TTC27: variants seen among roughly 807,000 people sequenced by gnomAD.
TTC27 encodes the protein tetratricopeptide repeat domain 27, also known as tetratricopeptide repeat protein 27.
Under a neutral mutation model 115.9 loss-of-function variants are expected in TTC27, and 79 were observed. The observed-to-expected ratio is 0.68, with a 90% CI of 0.57 to 0.82. TTC27 has a LOEUF of 0.82. TTC27 is among the 40% of genes least tolerant of loss of function. TTC27 has a pLI of 0.00. For synonymous variants in TTC27, 401 were observed against 356.0 expected (o/e 1.13, Z -1.42); for missense variants, 1,054 against 993.1 (o/e 1.06, Z -0.82).
intron 13 of TTC27, among the ~76,000 whole-genome samples, chr2:32,766,894 T>C (rs1432037942): frequency 6.6e-6 from 1 of 152,190 alleles, no homozygotes; most frequent in Admixed American, 6.5e-5. Flanking sequence ...CAAGCAATCC[T>C]GCTGCGTCAG....
In TTC27 at chr2:32,811,204, C is replaced by T. The variant is rs1167995482; in HGVS notation, c.2179C>T (p.Pro727Ser). 1 of 1,613,738 alleles carries T rather than the reference C, an allele frequency of 6.2e-7. No homozygotes were observed. The highest frequency in any genetic ancestry group is 1.3e-5 in the African/African-American group (1 of 75,008). ...HVYGNGQSEKPDENEKAFQCL... is the reference protein window; with the variant it reads ...HVYGNGQSEKSDENEKAFQCL... ...ATATGGAAATGGGCAGAGTGAAAAG[C>T]CTGATGAAAATGAAAAGGCAAGTCC... is the stretch of plus-strand genomic sequence containing the variant. Residue 727 changes from proline to serine, a missense_variant, in exon 17 of 20, where the codon CCT (proline) becomes TCT (serine). Physicochemically the swap from Pro to Ser is moderately conservative, Grantham distance 74. Transcript: ENST00000317907.
chr2:32,793,136 C>G (rs1489472026), intron 16 of TTC27, among the ~76,000 whole-genome samples: 2 of 152,164 alleles, frequency 1.3e-5, no homozygotes, highest in Non-Finnish European at 2.9e-5. Flanking sequence ...GGCTATAGAG[C>G]TGTTTATACT....
intron 13 of TTC27, among the ~76,000 whole-genome samples, chr2:32,764,696 T>A (rs1213711198): frequency 6.6e-6 from 1 of 152,266 alleles, no homozygotes; most frequent in African/African-American, 2.4e-5. Flanking sequence ...CAGCAGAACT[T>A]CTTTCAAAAT....
At position 32,820,833 on chromosome 2, in the gene TTC27, G is replaced by C; in HGVS notation, c.2427G>C (p.Val809=). The change falls in exon 20 of 20, where the codon GTG becomes GTC. Residue 809 remains valine (V), a synonymous_variant. Coordinates refer to ENST00000317907, the MANE Select transcript of TTC27 (RefSeq NM_017735.5). ...TATTACAGCAACTTTTTACAGATGTGGCAACTGGAGAAATGTCCAGGGAAT... is the reference window on the plus strand; with the variant it reads ...TATTACAGCAACTTTTTACAGATGTCGCAACTGGAGAAATGTCCAGGGAAT... The part of the protein sequence containing the change: ...LSKAKQLFTD[V]ATGEMSRELA... 6.5e-7 allele frequency: 1 copy of C among 1,535,306 alleles called. No homozygotes were observed. Among genetic ancestry groups the C allele is most frequent in the South Asian group, 1.2e-5 (1 of 81,008 alleles).
At chr2:32,724,488 GT>G (rs969785662) in intron 10 of TTC27, among the ~76,000 whole-genome samples, 530 of 147,948 alleles carry the variant, frequency 3.6e-3, no homozygotes, top group African/African-American at 0.012. Context: ...CCACCACACA[GT>G]TTTTTTTTTT....
rs1176798819 is a variant in TTC27, at chr2:32,633,854, CT to C, written c.267-19del. ...CAGTGATAGTAGTTCATATTTATTT[CT>C]TTAACCATTCTTATATGCAGACAAC... On this transcript the variant is annotated intron_variant, in intron 2 of 19. Transcript: ENST00000317907. The C allele has an allele frequency of 2.7e-5, 43 of 1,608,272 alleles. No individual in the cohort carries two copies. The East Asian group carries it at 9.6e-4, about 36-fold the overall frequency.
At chr2:32,693,919 A>AACACATTC in intron 9 of TTC27, among the ~76,000 whole-genome samples, 1 of 152,248 alleles carries the variant, frequency 6.6e-6, no homozygotes, top group African/African-American at 2.4e-5. Context: ...AGAATGTGTT[A>AACACATTC]TATAAATGTT....
At chr2:32,811,263 A>C in intron 17 of TTC27, 42 bp downstream of exon 17, 1 of 1,567,950 alleles carries the variant, frequency 6.4e-7, no homozygotes, top group Non-Finnish European at 8.7e-7. Context: ...TTTCGTTTGA[A>C]CATGTTGTAG....
At chr2:32,705,531 T>TA (rs78718110) in intron 10 of TTC27, among the ~76,000 whole-genome samples, 25,405 of 152,062 alleles carry the variant, frequency 0.17, 2,633 homozygotes, top group South Asian at 0.38. Context: ...TTTAGCATTT[T>TA]AAAAAAATGT....
chr2:32,705,742 C>T (rs915222866), intron 10 of TTC27, among the ~76,000 whole-genome samples: 8 of 151,930 alleles, frequency 5.3e-5, no homozygotes, highest in East Asian at 1.9e-4. Flanking sequence ...ATTTGTCATA[C>T]GAGGTCTCAC....
intron 11 of TTC27, among the ~76,000 whole-genome samples, chr2:32,735,124 G>T (rs1343222440): frequency 1.3e-5 from 2 of 152,168 alleles, no homozygotes; most frequent in East Asian, 3.8e-4. Flanking sequence ...CCCATTATAA[G>T]ACTTCTTAAA....
intron 6 of TTC27, among the ~76,000 whole-genome samples, chr2:32,666,269 C>T (rs1192951031): frequency 1.3e-5 from 2 of 151,896 alleles, no homozygotes; most frequent in East Asian, 1.9e-4. Context: ...TGATCATGAA[C>T]AAATGACTGT....
At chr2:32,807,239 A>G (rs1254335176) in intron 16 of TTC27, among the ~76,000 whole-genome samples, 1 of 152,204 alleles carries the variant, frequency 6.6e-6, no homozygotes, top group African/African-American at 2.4e-5. Flanking sequence ...TGTATATTAA[A>G]ATAACAGATA....
rs1669946102 is a variant in TTC27 at position 32,774,986 on chromosome 2, T to C, written c.1681-2896T>C. ...TTAATGTTAAATTAAGTCATCTGTC[T>C]GATTTTCATTAAATTTGTTTTGGTT... On this transcript the variant is annotated intron_variant, in intron 13 of 19. Coordinates refer to ENST00000317907, the MANE Select transcript of TTC27 (RefSeq NM_017735.5). Among the ~76,000 whole-genome samples the C allele has an allele frequency of 6.6e-5, 10 of 152,344 alleles. 2 individuals are homozygous for C. The South Asian group carries it at 2.1e-3, about 32-fold the overall frequency.
chr2:32,759,589 A>G (rs1172493248), intron 13 of TTC27, among the ~76,000 whole-genome samples: 1 of 152,214 alleles, frequency 6.6e-6, no homozygotes, highest in African/African-American at 2.4e-5. Context: ...TCATCTCTGA[A>G]AAAAATAAAT....
intron 10 of TTC27, among the ~76,000 whole-genome samples, chr2:32,731,359 G>A (rs892593143): frequency 7.2e-5 from 11 of 152,090 alleles, no homozygotes; most frequent in African/African-American, 1.4e-4. Flanking sequence ...GATTACAGGC[G>A]TGAGCCACTG....
chr2:32,638,953 C>T (rs1664529883), intron 3 of TTC27, among the ~76,000 whole-genome samples: 1 of 152,094 alleles, frequency 6.6e-6, no homozygotes, highest in Non-Finnish European at 1.5e-5. Context: ...CTGCCTCAGC[C>T]TCCCAAGTAG....
At chr2:32,724,453 G>A (rs1288210638) in intron 10 of TTC27, among the ~76,000 whole-genome samples, 5 of 152,244 alleles carry the variant, frequency 3.3e-5, no homozygotes, top group Middle Eastern at 3.4e-3. Flanking sequence ...CTACCAGACT[G>A]TGCTAGTAGT....
chr2:32,756,681 C>A (rs923266495), intron 12 of TTC27, among the ~76,000 whole-genome samples: 2 of 152,182 alleles, frequency 1.3e-5, no homozygotes, highest in Non-Finnish European at 2.9e-5. Flanking sequence ...TTTCGGATTG[C>A]CAACTGATGT....
Sources: gnomAD v4.1 joint callset for allele counts (sites outside exome capture counted in the v4.1 genomes callset) on GRCh38, gnomAD v4.1.1 for gene constraint, MANE v1.5 for transcripts, NCBI Gene and HGNC (gene_info 2026-07-23, HGNC 2026-07-21) for gene names.